CPD: variants seen among roughly 807,000 people sequenced by gnomAD.
The protein encoded by CPD is metallocarboxypeptidase D.
In CPD, 69 loss-of-function variants were observed where a neutral mutation model predicts 138.3. The ratio of observed to expected loss-of-function variants is 0.50; its 90% CI spans 0.41 to 0.61. The LOEUF is 0.61. CPD is among the 20% of genes least tolerant of loss of function. The pLI is 0.00. For missense variants in CPD, 1,432 were observed against 1,733.3 expected, an observed-to-expected ratio of 0.83 and a Z score of 3.09; for synonymous variants, 651 against 642.1, an observed-to-expected ratio of 1.01 and a Z score of -0.21.
At position 30,438,983 on chromosome 17, in the gene CPD, C is replaced by T. The variant is rs1393860879; in HGVS notation, c.2136C>T (p.Ser712=). Residue 712 remains serine (S), a synonymous_variant, in exon 9 of 21, where the codon TCC becomes TCT. Transcript: ENST00000225719. ...QIALSYSKEN[S]QMFQGRPCKN... is the part of the protein sequence containing the mutation. ...TCTTTTTGTTTTTCCAGGAAAATTC[C>T]CAGATGTTTCAAGGTAGACCTTGCA... 5.2e-6 allele frequency: 8 copies of T among 1,545,104 alleles called. No homozygotes were observed. Among genetic ancestry groups the T allele is most frequent in the East Asian group, 4.8e-5 (2 of 41,896 alleles).
intron 6 of CPD, among the ~76,000 whole-genome samples, chr17:30,425,870 A>C (rs1912392042): frequency 6.6e-6 from 1 of 152,216 alleles, no homozygotes; most frequent in Non-Finnish European, 1.5e-5. Flanking sequence ...GAAGAGATAC[A>C]GTTTTTAAAC....
At chr17:30,384,737 C>T (rs555541147) in intron 1 of CPD, among the ~76,000 whole-genome samples, 1 of 152,266 alleles carries the variant, frequency 6.6e-6, no homozygotes, top group Non-Finnish European at 1.5e-5. Flanking sequence ...TGAAGGAAAA[C>T]TCTTTAAAGT....
intron 2 of CPD, among the ~76,000 whole-genome samples, chr17:30,416,908 C>G (rs1912122664): frequency 6.6e-6 from 1 of 152,096 alleles, no homozygotes; most frequent in African/African-American, 2.4e-5. Flanking sequence ...GGAGACCAGC[C>G]TGGCCAACAT....
Position 30,427,458 on chromosome 17 carries a change from C to G in CPD, c.1917C>G (p.Asp639Glu). 1 of 1,614,066 alleles carries G rather than the reference C, an allele frequency of 6.2e-7. No individual in the cohort carries two copies. Among genetic ancestry groups the G allele is most frequent in the Non-Finnish European group, 8.5e-7 (1 of 1,179,960 alleles). ...NNFDLNRNFP[D>E]QFVQITDPTQ... is the part of the protein sequence containing the mutation. ...TTGACCTGAACCGAAATTTCCCAGA[C>G]CAGTTTGTTCAGATCACAGATCCTA... is the stretch of plus-strand genomic sequence containing the variant. The change falls in exon 7 of 21, where the codon GAC (aspartate) becomes GAG (glutamate). Residue 639 changes from aspartate to glutamate, a missense_variant. Asp to Glu is a conservative substitution (Grantham distance 45). Coordinates refer to ENST00000225719, the MANE Select transcript of CPD (RefSeq NM_001304.5).
intron 11 of CPD, chr17:30,444,266 A>T (rs1046902057): frequency 4.6e-6 from 1 of 219,388 alleles, no homozygotes; most frequent in African/African-American, 2.3e-5. Context: ...TCAAATCCTG[A>T]TCCTCATGGC....
At chr17:30,381,562 A>G (rs1911047483) in intron 1 of CPD, among the ~76,000 whole-genome samples, 1 of 152,224 alleles carries the variant, frequency 6.6e-6, no homozygotes, top group African/African-American at 2.4e-5. Flanking sequence ...GAGTACATCC[A>G]TCCTAACTCA....
At position 30,465,892 on chromosome 17, in the gene CPD, T is replaced by C. The variant is rs1268269853; in HGVS notation, c.*1078T>C. 6.6e-6 allele frequency: 1 copy of C among 152,618 alleles called. No individual in the cohort carries two copies. Among genetic ancestry groups the C allele is most frequent in the Admixed American group, 6.5e-5 (1 of 15,286 alleles). The allele number at this position is 152,618 out of a possible 1,614,324, so 9.5% of individuals were successfully genotyped here. Reference sequence around the variant, plus strand: ...TATTATTGAAATCGCTTGACCGGTCTTGTTCACATAGGCCTCTGGGAGTGA... The same window carrying C: ...TATTATTGAAATCGCTTGACCGGTCCTGTTCACATAGGCCTCTGGGAGTGA... On this transcript the variant is annotated 3_prime_UTR_variant, in exon 21 of 21. Transcript: ENST00000225719.
At chr17:30,456,562 G>C (rs745398424) in intron 17 of CPD, 36 bp downstream of exon 17, 2 of 1,599,188 alleles carry the variant, frequency 1.3e-6, no homozygotes, top group Non-Finnish European at 1.7e-6. Context: ...ATGGAGTTAT[G>C]GCCAGGCACA....
At chr17:30,448,025 A>G (rs1913073808) in intron 12 of CPD, among the ~76,000 whole-genome samples, 1 of 152,216 alleles carries the variant, frequency 6.6e-6, no homozygotes. Flanking sequence ...TAATTTCATC[A>G]GAAAACTTAG....
intron 2 of CPD, among the ~76,000 whole-genome samples, chr17:30,418,600 T>C (rs776426366): frequency 6.6e-6 from 1 of 152,132 alleles, no homozygotes; most frequent in African/African-American, 2.4e-5. Context: ...ATTGTAACTG[T>C]TTTTAAGGGT....
intron 8 of CPD, among the ~76,000 whole-genome samples, chr17:30,433,184 G>A (rs963947834): frequency 5.9e-5 from 9 of 152,028 alleles, no homozygotes; most frequent in Admixed American, 3.3e-4. Context: ...GAGTACAGCT[G>A]TTCATTTCAC....
chr17:30,461,378 A>G (rs1913469518), intron 18 of CPD, 67 bp downstream of exon 18: 4 of 1,270,896 alleles, frequency 3.1e-6, no homozygotes, highest in Admixed American at 2.8e-5. Context: ...CTTTATCAAA[A>G]CATTGTCTTT....
chr17:30,443,841 G>C lies in CPD; in HGVS notation c.2413G>C (p.Asp805His). 6.2e-7 allele frequency: 1 copy of C among 1,613,656 alleles called. No individual in the cohort carries two copies. The highest frequency in any genetic ancestry group is 8.5e-7 in the Non-Finnish European group (1 of 1,179,656). The change falls in exon 11 of 21, where the codon GAT (aspartate) becomes CAT (histidine). Residue 805 changes from aspartate (D) to histidine (H), a missense_variant. Around this residue, in one of 6 missense-constraint regions of CPD, gnomAD observed 297 missense variants for 405.3 expected, o/e 0.73. Transcript: ENST00000225719. ...GVRGFVLDAT[D>H]GRGILNATIS... ...CAGAGGATTTGTTCTAGATGCCACA[G>C]ATGGCAGGGGTATATTAAATGCCAC... is the stretch of plus-strand genomic sequence containing the variant.
At position 30,423,005 on chromosome 17, in the gene CPD, C is replaced by T; in HGVS notation, c.1639C>T (p.Pro547Ser). 6.2e-7 allele frequency: 1 copy of T among 1,611,426 alleles called. No individual in the cohort carries two copies. The highest frequency in any genetic ancestry group is 8.5e-7 in the Non-Finnish European group (1 of 1,178,204). Residue 547 changes from proline to serine, a missense_variant, in exon 5 of 21, where the codon CCG becomes TCG. By Grantham distance (74) the Pro-to-Ser change is moderately conservative. This residue lies in a region of CPD where 297 missense variants were observed against 405.3 expected (regional missense o/e 0.73). Transcript: ENST00000225719. ...TTATGTGATGGAGATATCTGATAAT[C>T]CGGGTGTCCATGAACCAGGTAATTG... ...ELYVMEISDN[P>S]GVHEPGEPEF...
chr17:30,390,570 C>T (rs985517627), intron 2 of CPD, among the ~76,000 whole-genome samples: 1 of 152,206 alleles, frequency 6.6e-6, no homozygotes, highest in African/African-American at 2.4e-5. Flanking sequence ...AGAAACAACT[C>T]CTGCTCTGAG....
intron 2 of CPD, among the ~76,000 whole-genome samples, chr17:30,405,828 T>C (rs955490311): frequency 7.5e-4 from 114 of 152,214 alleles, no homozygotes; most frequent in African/African-American, 2.6e-3. Flanking sequence ...TAAATCATTA[T>C]GTCCAGTTGC....
intron 9 of CPD, among the ~76,000 whole-genome samples, chr17:30,442,097 T>C (rs1414400086): frequency 1.3e-5 from 2 of 152,152 alleles, no homozygotes; most frequent in African/African-American, 4.8e-5. Context: ...GCTCCTGTTA[T>C]TGGTCTATTA....
At chr17:30,386,114 C>G (rs1911179344) in intron 2 of CPD, among the ~76,000 whole-genome samples, 1 of 152,122 alleles carries the variant, frequency 6.6e-6, no homozygotes, top group Middle Eastern at 3.2e-3. Flanking sequence ...ACTGTAATCA[C>G]AAGCTCCTGG....
chr17:30,397,737 C>CAAAAAAAAAAAAAA (rs71138885), intron 2 of CPD, among the ~76,000 whole-genome samples: 1 of 31,850 alleles, frequency 3.1e-5, no homozygotes, highest in Non-Finnish European at 6.7e-5. Context: ...ACTCCTGTCT[C>CAAAAAAAAAAAAAA]AAAAAAAAAA....
Sources: gnomAD v4.1 joint callset for allele counts (sites outside exome capture counted in the v4.1 genomes callset) on GRCh38, gnomAD v4.1.1 for gene constraint, gnomAD v4.1.1 regional missense constraint, MANE v1.5 for transcripts, NCBI Gene and HGNC (gene_info 2026-07-23, HGNC 2026-07-21) for gene names.